Variants in SOX5 observed in about 807,000 individuals in gnomAD.
SOX5 encodes transcription factor SOX-5.
A neutral mutation model predicts 92.0 loss-of-function variants in SOX5; 9 were observed. That is an observed-to-expected ratio of 0.10 (90% CI 0.06 to 0.17). The LOEUF (loss-of-function observed/expected upper bound fraction) is 0.17. SOX5 is among the 10% of genes least tolerant of loss of function. The probability of loss-of-function intolerance (pLI) is 1.00; values close to 1 mark genes in which losing one functional copy is unlikely to be tolerated. For synonymous variants in SOX5, 344 were observed against 336.3 expected (o/e 1.02, Z -0.25); for missense variants, 642 against 944.5 (o/e 0.68, Z 4.20).
Position 23,831,974 on chromosome 12 carries a change from A to AC in SOX5, c.481+14008dup, listed in dbSNP as rs1568153941. Among the ~76,000 whole-genome samples the AC allele has an allele frequency of 7.9e-5, 12 of 151,732 alleles. No homozygotes were observed. The South Asian group carries it at 2.5e-3, about 32-fold the overall frequency. Reference sequence around the variant, plus strand: ...AGGGGAACTACACACACACACACACACACACACACAGAGGCACATGCGCAC... The same window carrying AC: ...AGGGGAACTACACACACACACACACACCACACACACAGAGGCACATGCGCAC... On this transcript the variant is annotated intron_variant, in intron 3 of 14. Transcript: ENST00000451604.
chr12:24,163,420 T>C (rs1268820842), intron 4 of SOX5, among the ~76,000 whole-genome samples: 2 of 152,090 alleles, frequency 1.3e-5, no homozygotes, highest in Admixed American at 1.3e-4. Context: ...TTGAAGATAC[T>C]GTATTAGAAA....
chr12:23,946,797 G>A (rs1944665716), intron 1 of SOX5, among the ~76,000 whole-genome samples: 1 of 151,826 alleles, frequency 6.6e-6, no homozygotes, highest in African/African-American at 2.4e-5. Context: ...TTGGAGTTGT[G>A]TTTTTCAGTA....
chr12:24,094,956 T>G (rs933537121), intron 4 of SOX5, among the ~76,000 whole-genome samples: 2 of 152,160 alleles, frequency 1.3e-5, no homozygotes, highest in African/African-American at 4.8e-5. Context: ...GGCTACTTCC[T>G]CTCTCCTTTT....
intron 4 of SOX5, chr12:24,212,489 T>C: frequency 1.9e-6 from 1 of 534,070 alleles, no homozygotes; most frequent in East Asian, 5.5e-5. Flanking sequence ...GTGGAAGCAG[T>C]AACACGGGAG....
At chr12:23,813,199 C>A (rs2095911187) in intron 3 of SOX5, among the ~76,000 whole-genome samples, 1 of 152,158 alleles carries the variant, frequency 6.6e-6, no homozygotes, top group African/African-American at 2.4e-5. Flanking sequence ...GGAGCAGTTT[C>A]TTTCCTGCTT....
chr12:24,205,444 C>T (rs187221869), intron 4 of SOX5, among the ~76,000 whole-genome samples: 223 of 152,250 alleles, frequency 1.5e-3, no homozygotes, highest in African/African-American at 5.3e-3. Context: ...TATTCTTATA[C>T]TAATTTTATA....
intron 4 of SOX5, among the ~76,000 whole-genome samples, chr12:23,959,599 C>T (rs1245658385): frequency 6.6e-6 from 1 of 151,922 alleles, no homozygotes; most frequent in Non-Finnish European, 1.5e-5. Flanking sequence ...TGACAAAAGG[C>T]ATCTATAGAA....
chr12:24,066,620 G>A (rs904630610), intron 4 of SOX5, among the ~76,000 whole-genome samples: 1 of 151,988 alleles, frequency 6.6e-6, no homozygotes, highest in East Asian at 1.9e-4. Context: ...TATCTGAAGA[G>A]CAGAGTAGAA....
At position 24,118,330 on chromosome 12, in the gene SOX5, T is replaced by C. The variant is rs147538368; in HGVS notation, c.-2+95013A>G. ...GCTTAAGTATTTGTACTATCTACTA[T>C]GTATACATACATTGAAACATCACAT... On this transcript the variant is annotated intron_variant, in intron 4 of 4. Transcript: ENST00000446891. Among the ~76,000 whole-genome samples, 33 of 152,318 alleles carry C rather than the reference T, an allele frequency of 2.2e-4. 2 individuals are homozygous for C. The highest frequency in any genetic ancestry group is 7.2e-4 in the African/African-American group (30 of 41,580).
intron 1 of SOX5, among the ~76,000 whole-genome samples, chr12:24,561,018 T>C (rs1179569184): frequency 2.0e-5 from 3 of 152,202 alleles, no homozygotes; most frequent in African/African-American, 7.2e-5. Context: ...CCCACAGATT[T>C]CCCTTGGTCC....
chr12:24,137,102 T>C (rs1950173786), intron 4 of SOX5, among the ~76,000 whole-genome samples: 1 of 152,230 alleles, frequency 6.6e-6, no homozygotes, highest in South Asian at 2.1e-4. Flanking sequence ...TGATCCAGTT[T>C]CCAAAATCCA....
At chr12:24,108,466 CATT>C (rs1946941275) in intron 4 of SOX5, among the ~76,000 whole-genome samples, 1 of 152,084 alleles carries the variant, frequency 6.6e-6, no homozygotes, top group African/African-American at 2.4e-5. Flanking sequence ...TGTGATTTAT[CATT>C]GATTAGTCTA....
At chr12:24,537,604 AT>A (rs778483976) in intron 1 of SOX5, among the ~76,000 whole-genome samples, 64 of 152,304 alleles carry the variant, frequency 4.2e-4, no homozygotes, top group Non-Finnish European at 2.5e-4. Context: ...AGGAATTGTG[AT>A]TAGCTAATGA....
chr12:24,027,352 T>C (rs945217639), intron 4 of SOX5, among the ~76,000 whole-genome samples: 2 of 151,990 alleles, frequency 1.3e-5, no homozygotes, highest in African/African-American at 2.4e-5. Flanking sequence ...ACATCTTCAT[T>C]TGGATGGTTT....
intron 1 of SOX5, among the ~76,000 whole-genome samples, chr12:24,458,514 C>T (rs1943271047): frequency 6.6e-6 from 1 of 152,140 alleles, no homozygotes. Context: ...TACCCGGCCA[C>T]ATTCCACTTA....
intron 2 of SOX5, among the ~76,000 whole-genome samples, chr12:24,325,172 AAAAG>A (rs1239218241): frequency 6.6e-6 from 1 of 152,098 alleles, no homozygotes. Flanking sequence ...AAAACCCTAA[AAAAG>A]AAAGAGCATT....
intron 11 of SOX5, among the ~76,000 whole-genome samples, chr12:23,548,682 AAAAG>A (rs1274324067): frequency 6.6e-6 from 1 of 152,026 alleles, no homozygotes; most frequent in Non-Finnish European, 1.5e-5. Flanking sequence ...ATTCAGAAGA[AAAAG>A]AAACTGATGT....
At chr12:24,381,160 C>T (rs1056933140) in intron 1 of SOX5, among the ~76,000 whole-genome samples, 3 of 152,186 alleles carry the variant, frequency 2.0e-5, no homozygotes, top group East Asian at 1.9e-4. Flanking sequence ...ACGCCAGACA[C>T]GGCTGCAGAT....
intron 1 of SOX5, among the ~76,000 whole-genome samples, chr12:24,427,727 T>C (rs1966856110): frequency 6.6e-6 from 1 of 152,308 alleles, no homozygotes. Context: ...GAGCAAAATA[T>C]ATGAGGTGTG....
Sources: allele counts gnomAD v4.1 joint callset (sites outside exome capture counted in the v4.1 genomes callset), GRCh38; gene constraint gnomAD v4.1.1; transcripts MANE v1.5; gene names NCBI Gene and HGNC (gene_info 2026-07-23, HGNC 2026-07-21).